The following PALM2AKAP2 variants were observed in gnomAD, a reference collection of about 807,000 sequenced individuals.
PALM2AKAP2 encodes the protein PALM2 and AKAP2 fusion, also known as PALM2-AKAP2 fusion protein.
A neutral mutation model predicts 71.5 loss-of-function variants in PALM2AKAP2; 37 were observed. The observed-to-expected ratio is 0.52, with a 90% CI of 0.40 to 0.68. The LOEUF (loss-of-function observed/expected upper bound fraction) is 0.68, where lower values mean the gene tolerates loss of function less well. Ranked by LOEUF, PALM2AKAP2 falls within the 30% of genes least tolerant of loss-of-function variation. The pLI is 0.00. For synonymous variants in PALM2AKAP2, 468 were observed against 478.8 expected, an observed-to-expected ratio of 0.98 and a Z score of 0.29; for missense variants, 1,224 against 1,191.8, an observed-to-expected ratio of 1.03 and a Z score of -0.40.
exon 1 of PALM2AKAP2, chr9:109,780,459 C>G (rs541576249): frequency 5.0e-6 from 8 of 1,612,860 alleles, no homozygotes; most frequent in African/African-American, 4.0e-5. Context: ...TTTCTTTCCT[C>G]TTTCCCCTGC....
intron 1 of PALM2AKAP2, among the ~76,000 whole-genome samples, chr9:109,705,737 C>G (rs1176147324): frequency 6.6e-6 from 1 of 152,198 alleles, no homozygotes; most frequent in South Asian, 2.1e-4. Context: ...AGTCAGACTA[C>G]TTGGGTTTGA....
At chr9:109,834,741 C>T (rs1453111949) in intron 1 of PALM2AKAP2, among the ~76,000 whole-genome samples, 2 of 152,148 alleles carry the variant, frequency 1.3e-5, no homozygotes, top group Non-Finnish European at 2.9e-5. Context: ...CTTAAATCTT[C>T]AGAACAACCG....
chr9:110,091,620 A>G (rs1191011999), intron 1 of PALM2AKAP2, among the ~76,000 whole-genome samples: 14 of 149,730 alleles, frequency 9.4e-5, no homozygotes, highest in Non-Finnish European at 4.5e-5. Flanking sequence ...CTGCCTCCAC[A>G]CCCGGCTAAT....
intron 3 of PALM2AKAP2, among the ~76,000 whole-genome samples, chr9:109,881,970 G>A (rs1420944532): frequency 1.4e-5 from 2 of 137,974 alleles, no homozygotes; most frequent in East Asian, 4.8e-4. Context: ...TGCAACCTCC[G>A]CCTCCCGGGT....
chr9:109,987,096 C>G (rs1588045762), intron 6 of PALM2AKAP2, among the ~76,000 whole-genome samples: 1 of 152,076 alleles, frequency 6.6e-6, no homozygotes, highest in East Asian at 1.9e-4. Flanking sequence ...GGATCATGCA[C>G]CTACCCGTTA....
chr9:110,016,244 G>A (rs932745934), intron 7 of PALM2AKAP2, among the ~76,000 whole-genome samples: 8 of 152,144 alleles, frequency 5.3e-5, no homozygotes, highest in Non-Finnish European at 1.0e-4. Flanking sequence ...CCCTGAATAT[G>A]CCCGACCTCG....
intron 1 of PALM2AKAP2, among the ~76,000 whole-genome samples, chr9:109,854,486 C>A (rs1366797560): frequency 2.0e-5 from 3 of 152,148 alleles, no homozygotes; most frequent in Non-Finnish European, 4.4e-5. Context: ...TTAATCTGAG[C>A]TTGGTATATT....
rs117861192 is a variant in PALM2AKAP2 at position 109,665,126 on chromosome 9, G to A, written c.5+24260G>A. 1.9e-3 allele frequency among the ~76,000 whole-genome samples: 287 copies of A among 152,222 alleles called. 4 individuals carry two copies. The East Asian group carries it at 0.025, about 13-fold the overall frequency. On this transcript the variant is annotated intron_variant, in intron 1 of 6. Coordinates refer to the PALM2AKAP2 transcript ENST00000374531. ...TTTTTGGCTTCCTTGCGATGGGTTC[G>A]AACCTCCTCCTTTAGCTCTGAGAAG... is the stretch of plus-strand genomic sequence containing the variant.
At chr9:109,711,852 C>T (rs1828245344) in intron 1 of PALM2AKAP2, among the ~76,000 whole-genome samples, 1 of 152,200 alleles carries the variant, frequency 6.6e-6, no homozygotes, top group Non-Finnish European at 1.5e-5. Flanking sequence ...CGACTGGGAT[C>T]TTCCATTTCT....
upstream of PALM2AKAP2, among the ~76,000 whole-genome samples, chr9:109,778,768 ATTT>A (rs34459734): frequency 0.16 from 22,500 of 141,444 alleles, 1,773 homozygotes; most frequent in East Asian, 0.26. Flanking sequence ...TTTGATGTGC[ATTT>A]TTTTTTTTTT....
At chr9:109,787,502 A>T (rs1262773506) in intron 1 of PALM2AKAP2, among the ~76,000 whole-genome samples, 6 of 152,250 alleles carry the variant, frequency 3.9e-5, no homozygotes, top group Non-Finnish European at 7.3e-5. Context: ...TAGTATTAAT[A>T]ATAAAAAATG....
chr9:109,724,513 CA>C (rs1359539887), intron 1 of PALM2AKAP2, among the ~76,000 whole-genome samples: 1 of 125,384 alleles, frequency 8.0e-6, no homozygotes, highest in East Asian at 2.3e-4. Flanking sequence ...GTAACTAAAA[CA>C]GTAAGGTACT....
At chr9:109,996,116 T>C (rs1372135770) in intron 6 of PALM2AKAP2, among the ~76,000 whole-genome samples, 1 of 152,196 alleles carries the variant, frequency 6.6e-6, no homozygotes, top group Admixed American at 6.5e-5. Context: ...AACTAGTTGT[T>C]TAATACATCT....
chr9:110,058,518 A>G (rs1047242418), intron 1 of PALM2AKAP2, among the ~76,000 whole-genome samples: 1 of 152,066 alleles, frequency 6.6e-6, no homozygotes, highest in Non-Finnish European at 1.5e-5. Flanking sequence ...CTCAAGCAGG[A>G]TATGCTGGGT....
intron 1 of PALM2AKAP2, among the ~76,000 whole-genome samples, chr9:109,645,388 G>A (rs942950880): frequency 4.6e-5 from 7 of 152,246 alleles, no homozygotes; most frequent in African/African-American, 1.7e-4. Flanking sequence ...CAACACATGG[G>A]AATTGTGGGA....
At chr9:109,754,948 C>T (rs1417798765) in intron 1 of PALM2AKAP2, among the ~76,000 whole-genome samples, 1 of 152,112 alleles carries the variant, frequency 6.6e-6, no homozygotes, top group Non-Finnish European at 1.5e-5. Flanking sequence ...GACTCCAAAC[C>T]TAGTCATCAT....
At chr9:109,729,178 G>A (rs954745699) in intron 1 of PALM2AKAP2, among the ~76,000 whole-genome samples, 3 of 152,106 alleles carry the variant, frequency 2.0e-5, no homozygotes, top group Non-Finnish European at 4.4e-5. Context: ...AAGCTCTCCA[G>A]AGAGTGACTC....
chr9:109,655,865 T>A (rs1322945908), intron 1 of PALM2AKAP2, among the ~76,000 whole-genome samples: 1 of 152,232 alleles, frequency 6.6e-6, no homozygotes, highest in Non-Finnish European at 1.5e-5. Context: ...TTTCCCCCTT[T>A]TGGGTATCAT....
At chr9:110,041,296 T>C (rs1477045225) in intron 7 of PALM2AKAP2, among the ~76,000 whole-genome samples, 1 of 73,966 alleles carries the variant, frequency 1.4e-5, no homozygotes, top group Non-Finnish European at 2.5e-5. Flanking sequence ...TTTTGAATAG[T>C]GTTTTTTTTT....
Sources: gnomAD v4.1 joint callset for allele counts (sites outside exome capture counted in the v4.1 genomes callset) on GRCh38, gnomAD v4.1.1 for gene constraint, MANE v1.5 for transcripts, NCBI Gene and HGNC (gene_info 2026-07-23, HGNC 2026-07-21) for gene names.